Variants in LY86 observed in about 807,000 individuals in gnomAD.
LY86 encodes the protein lymphocyte antigen 86, also known as MD-1, RP105-associated.
Under a neutral mutation model 17.3 loss-of-function variants are expected in LY86, and 20 were observed. The observed-to-expected ratio is 1.15, with a 90% CI of 0.81 to 1.68. The LOEUF is 1.68. LY86 is among the 40% of genes most tolerant of loss of function. The pLI is 0.00. For synonymous variants in LY86, 74 were observed against 70.6 expected (o/e 1.05, Z -0.24); for missense variants, 200 against 191.9 (o/e 1.04, Z -0.25).
chr6:6,594,037 T>C (rs1760621956), intron 1 of LY86, among the ~76,000 whole-genome samples: 1 of 152,210 alleles, frequency 6.6e-6, no homozygotes, highest in Non-Finnish European at 1.5e-5. Context: ...TTACTGGATG[T>C]TTGTAAGGGT....
intron 1 of LY86, among the ~76,000 whole-genome samples, chr6:6,611,829 G>C (rs569314057): frequency 6.6e-6 from 1 of 152,132 alleles, no homozygotes; most frequent in Non-Finnish European, 1.5e-5. Context: ...AAAATAGCAG[G>C]GCTTTTGTCT....
chr6:6,590,733 A>G (rs1760497743), intron 1 of LY86, among the ~76,000 whole-genome samples: 1 of 152,146 alleles, frequency 6.6e-6, no homozygotes, highest in Non-Finnish European at 1.5e-5. Flanking sequence ...GGAGATGGAA[A>G]AGAGAAGTTG....
At chr6:6,652,989 G>A (rs1167168369) in intron 4 of LY86, among the ~76,000 whole-genome samples, 1 of 152,190 alleles carries the variant, frequency 6.6e-6, no homozygotes, top group East Asian at 1.9e-4. Flanking sequence ...GAAACACAAC[G>A]AGATATAAAT....
intron 1 of LY86, among the ~76,000 whole-genome samples, chr6:6,616,231 C>T (rs916457390): frequency 6.6e-6 from 1 of 152,186 alleles, no homozygotes; most frequent in Non-Finnish European, 1.5e-5. Context: ...AATTGGGAAG[C>T]TTGTTGGGTC....
intron 1 of LY86, among the ~76,000 whole-genome samples, chr6:6,605,780 T>C (rs1328287097): frequency 6.6e-6 from 1 of 152,212 alleles, no homozygotes; most frequent in African/African-American, 2.4e-5. Context: ...TGCTGGGATG[T>C]GTTCAGTTTC....
intron 3 of LY86, 141 bp from the exon 4 acceptor site, chr6:6,649,484 G>GTGGTCGCCGT: frequency 3.4e-6 from 2 of 593,148 alleles, no homozygotes; most frequent in Non-Finnish European, 5.9e-6. Flanking sequence ...TGTAGATCAG[G>GTGGTCGCCGT]AAATGAAAAC....
intron 2 of LY86, among the ~76,000 whole-genome samples, chr6:6,625,738 G>C (rs927041057): frequency 2.6e-5 from 4 of 152,162 alleles, no homozygotes; most frequent in African/African-American, 9.7e-5. Context: ...CTGGACTCTA[G>C]CAGCAGCTGG....
chr6:6,589,636 G>A (rs376592235), intron 1 of LY86, among the ~76,000 whole-genome samples: 2 of 152,136 alleles, frequency 1.3e-5, no homozygotes, highest in South Asian at 4.2e-4. Context: ...TTTCCTCACA[G>A]CTCTGGAAGC....
intron 3 of LY86, among the ~76,000 whole-genome samples, chr6:6,634,350 T>A (rs1269028501): frequency 2.0e-5 from 3 of 152,268 alleles, no homozygotes; most frequent in Non-Finnish European, 1.5e-5. Flanking sequence ...TTTGTGTAAA[T>A]CTGAACTTTC....
chr6:6,607,790 C>T (rs540426387), intron 1 of LY86, among the ~76,000 whole-genome samples: 1 of 151,764 alleles, frequency 6.6e-6, no homozygotes, highest in South Asian at 2.1e-4. Context: ...ATCCCAGCTA[C>T]TCGGGAGGTT....
intron 1 of LY86, among the ~76,000 whole-genome samples, chr6:6,606,054 C>G (rs1192018554): frequency 1.3e-5 from 2 of 152,222 alleles, no homozygotes; most frequent in Non-Finnish European, 2.9e-5. Context: ...CAGGTTACTG[C>G]TGCTAGCGCG....
intron 3 of LY86, among the ~76,000 whole-genome samples, chr6:6,635,584 A>G (rs769608087): frequency 3.3e-5 from 5 of 152,310 alleles, no homozygotes; most frequent in Middle Eastern, 3.4e-3. Flanking sequence ...GGTATCACCT[A>G]TGTTATACTT....
At position 6,608,136 on chromosome 6, in the gene LY86, G is replaced by C. The variant is rs150892070; in HGVS notation, c.137-16790G>C. ...ACAAATTTGCCCGTCACTGCCACTT[G>C]TATTCAGCATTGTACTGAAGGACCT... On this transcript the variant is annotated intron_variant, in intron 1 of 4. Coordinates refer to ENST00000230568, the MANE Select transcript of LY86 (RefSeq NM_004271.4). Among the ~76,000 whole-genome samples, 510 of 152,276 alleles carry C rather than the reference G, an allele frequency of 3.3e-3. 5 individuals are homozygous for C. The highest frequency in any genetic ancestry group is 0.011 in the African/African-American group (454 of 41,540).
intron 3 of LY86, among the ~76,000 whole-genome samples, chr6:6,644,505 C>G (rs918375339): frequency 6.6e-6 from 1 of 151,684 alleles, no homozygotes; most frequent in African/African-American, 2.4e-5. Context: ...AGAGCCAGAC[C>G]CTGTTTCAAA....
intron 1 of LY86, among the ~76,000 whole-genome samples, chr6:6,590,072 C>T (rs917976706): frequency 7.4e-5 from 10 of 135,796 alleles, no homozygotes; most frequent in African/African-American, 2.2e-4. Flanking sequence ...GAGCCAAGAT[C>T]GTGCCATTGT....
intron 4 of LY86, among the ~76,000 whole-genome samples, chr6:6,653,170 C>T (rs1009855850): frequency 3.3e-5 from 5 of 152,202 alleles, no homozygotes; most frequent in African/African-American, 1.2e-4. Flanking sequence ...CAGCCTGGTT[C>T]TCTTGAATAC....
At chr6:6,597,142 T>C (rs1164299772) in intron 1 of LY86, among the ~76,000 whole-genome samples, 1 of 152,140 alleles carries the variant, frequency 6.6e-6, no homozygotes, top group Non-Finnish European at 1.5e-5. Flanking sequence ...GATTGTGAGG[T>C]CCTGGGCATG....
intron 1 of LY86, among the ~76,000 whole-genome samples, chr6:6,612,316 G>A (rs191087263): frequency 9.2e-4 from 140 of 152,312 alleles, no homozygotes; most frequent in Non-Finnish European, 1.5e-3. Context: ...AACTTCAGGC[G>A]TGAAACTGCA....
intron 3 of LY86, among the ~76,000 whole-genome samples, chr6:6,635,869 C>G (rs1317280745): frequency 6.6e-6 from 1 of 152,204 alleles, no homozygotes. Flanking sequence ...ATTATTATCC[C>G]CACTGTCATT....
Sources: gnomAD v4.1 joint callset for allele counts (sites outside exome capture counted in the v4.1 genomes callset) on GRCh38, gnomAD v4.1.1 for gene constraint, MANE v1.5 for transcripts, NCBI Gene and HGNC (gene_info 2026-07-23, HGNC 2026-07-21) for gene names.